BTBD7: variants seen among roughly 807,000 people sequenced by gnomAD.
BTBD7 encodes the protein BTB domain containing 7.
A neutral mutation model predicts 99.9 loss-of-function variants in BTBD7; 38 were observed. That is an observed-to-expected ratio of 0.38 (90% CI 0.29 to 0.50). The LOEUF is 0.50. Among genes scored for constraint, BTBD7 ranks in the 20% least tolerant of loss-of-function variants. BTBD7 has a pLI of 0.93. For synonymous variants in BTBD7, 520 were observed against 511.4 expected, an observed-to-expected ratio of 1.02 and a Z score of -0.23; for missense variants, 1,170 against 1,394.6, an observed-to-expected ratio of 0.84 and a Z score of 2.57.
rs552988017 is a variant in BTBD7 at position 93,247,928 on chromosome 14, C to A, written c.2121+548G>T. Among the ~76,000 whole-genome samples, 10 of 152,254 alleles carry A rather than the reference C, an allele frequency of 6.6e-5. No homozygotes were observed. The South Asian group carries it at 2.1e-3, about 32-fold the overall frequency. On this transcript the variant is annotated intron_variant, in intron 9 of 10. Coordinates refer to ENST00000334746, the MANE Select transcript of BTBD7 (RefSeq NM_001002860.4). ...GTTTGAACCCTCATGAAAGAAATTT[C>A]TTATAAGATGGAAAACAGAAACGAA...
intron 1 of BTBD7, among the ~76,000 whole-genome samples, chr14:93,320,958 GATA>G (rs2053262592): frequency 6.6e-6 from 1 of 152,074 alleles, no homozygotes; most frequent in African/African-American, 2.4e-5. Flanking sequence ...TTCACAGAGG[GATA>G]ATATGAGAAA....
chr14:93,327,875 CA>C (rs2053351805), intron 1 of BTBD7, among the ~76,000 whole-genome samples: 1 of 152,030 alleles, frequency 6.6e-6, no homozygotes, highest in Admixed American at 6.6e-5. Context: ...GAAAACTCCA[CA>C]AAAAAGATTC....
intron 3 of BTBD7, among the ~76,000 whole-genome samples, chr14:93,279,012 TTAG>T (rs1187356262): frequency 1.3e-5 from 2 of 152,344 alleles, no homozygotes; most frequent in Admixed American, 1.3e-4. Flanking sequence ...TTAAAAAGAA[TTAG>T]TAATTTTGAT....
chr14:93,309,435 G>A (rs1222765438), intron 1 of BTBD7, among the ~76,000 whole-genome samples: 1 of 149,072 alleles, frequency 6.7e-6, no homozygotes, highest in Non-Finnish European at 1.5e-5. Context: ...GAGTAAAATG[G>A]CAAAGCCAAG....
At chr14:93,263,164 A>G (rs1253109735) in intron 4 of BTBD7, among the ~76,000 whole-genome samples, 2 of 152,268 alleles carry the variant, frequency 1.3e-5, no homozygotes, top group Admixed American at 1.3e-4. Context: ...GCCAATGCAC[A>G]AAAATTAAGC....
Position 93,248,618 on chromosome 14 carries a change from C to T in BTBD7, c.1979G>A (p.Arg660Gln), listed in dbSNP as rs372766404. ...CTCCGTGTGCCGCAGTTCCTGCAGTCGTCTGACCATGTCTTTCATAATGAG... is the reference window on the plus strand; with the variant it reads ...CTCCGTGTGCCGCAGTTCCTGCAGTTGTCTGACCATGTCTTTCATAATGAG... The part of the protein sequence containing the change: ...RLLIMKDMVR[R>Q]LQELRHTEQV... Residue 660 changes from arginine to glutamine, a missense_variant, in exon 9 of 11, where the codon CGA (arginine) becomes CAA (glutamine). Physicochemically the swap from Arg to Gln is conservative, Grantham distance 43. Transcript: ENST00000334746. 1 of 1,612,964 alleles carries T rather than the reference C, an allele frequency of 6.2e-7. No homozygotes were observed. The highest frequency in any genetic ancestry group is 8.5e-7 in the Non-Finnish European group (1 of 1,179,772).
At position 93,263,805 on chromosome 14, in the gene BTBD7, T is replaced by C. The variant is rs752703524; in HGVS notation, c.1351A>G (p.Ile451Val). The part of the protein sequence containing the change: ...ELSKDHLLTA[I>V]QSDYLQASEQ... ...ATTACCTGTAGGTAGTCAGACTGGA[T>C]AGCAGTAAGCAGATGGTCTTTGCTG... Residue 451 changes from isoleucine to valine, a missense_variant, in exon 4 of 11, where the codon ATC becomes GTC. This residue lies in a region of BTBD7 where 309 missense variants were observed against 342.0 expected (regional missense o/e 0.90). Coordinates refer to ENST00000334746, the MANE Select transcript of BTBD7 (RefSeq NM_001002860.4). 9 of 1,614,080 alleles carry C rather than the reference T, an allele frequency of 5.6e-6. No individual in the cohort carries two copies. The highest frequency in any genetic ancestry group is 7.6e-6 in the Non-Finnish European group (9 of 1,179,944).
intron 1 of BTBD7, among the ~76,000 whole-genome samples, chr14:93,330,509 C>G (rs2053389796): frequency 6.6e-6 from 1 of 152,190 alleles, no homozygotes; most frequent in Admixed American, 6.5e-5. Context: ...ATACCAACAG[C>G]ATTCTTTGCA....
intron 10 of BTBD7, chr14:93,244,372 C>T (rs72708542): frequency 0.044 from 8,348 of 191,032 alleles, 301 homozygotes; most frequent in Admixed American, 0.11. Flanking sequence ...TGAGGTTGGC[C>T]GGGCGCAGTG....
chr14:93,258,213 G>T lies in BTBD7; in HGVS notation c.1448-858C>A, dbSNP rs568548390. ...TCTTCCTTAAATCGTGTGTGTGTGT[G>T]TGTGTGTATGAGAGAGAGAGAGAGA... On this transcript the variant is annotated intron_variant, in intron 5 of 10. Coordinates refer to ENST00000334746, the MANE Select transcript of BTBD7 (RefSeq NM_001002860.4). 1.8e-4 allele frequency among the ~76,000 whole-genome samples: 27 copies of T among 151,998 alleles called. 1 individual carries two copies. The South Asian group carries it at 5.6e-3, about 32-fold the overall frequency.
intron 9 of BTBD7, among the ~76,000 whole-genome samples, chr14:93,246,735 A>T (rs1167946153): frequency 6.6e-6 from 1 of 152,272 alleles, no homozygotes; most frequent in Non-Finnish European, 1.5e-5. Context: ...CCCATTATAC[A>T]TGACTAAGTC....
intron 3 of BTBD7, among the ~76,000 whole-genome samples, chr14:93,273,216 A>G (rs1053117113): frequency 6.6e-6 from 1 of 152,206 alleles, no homozygotes; most frequent in Non-Finnish European, 1.5e-5. Flanking sequence ...GTACATGTGG[A>G]AGGTAAAGTA....
At chr14:93,248,403 TC>T (rs1338257024) in intron 9 of BTBD7, 72 bp downstream of exon 9, 16 of 1,499,648 alleles carry the variant, frequency 1.1e-5, no homozygotes, top group Non-Finnish European at 1.5e-5. Context: ...CAAGGACTCG[TC>T]AGGATGCCCA....
chr14:93,243,298 A>T (rs1299841598), intron 10 of BTBD7, among the ~76,000 whole-genome samples: 1 of 151,394 alleles, frequency 6.6e-6, no homozygotes, highest in Non-Finnish European at 1.5e-5. Flanking sequence ...GGTTCAAGTG[A>T]TTCTCCTGCC....
At chr14:93,273,123 C>T (rs1381922680) in intron 3 of BTBD7, among the ~76,000 whole-genome samples, 5 of 152,130 alleles carry the variant, frequency 3.3e-5, no homozygotes, top group Non-Finnish European at 5.9e-5. Context: ...AAAGGTCTCC[C>T]CCTCCCATTC....
At chr14:93,260,730 T>A (rs988059900) in intron 5 of BTBD7, among the ~76,000 whole-genome samples, 3 of 152,010 alleles carry the variant, frequency 2.0e-5, no homozygotes, top group Non-Finnish European at 4.4e-5. Context: ...ATTTTTTATT[T>A]TTAGTAGAGA....
chr14:93,316,802 T>C (rs2053212071), intron 1 of BTBD7, among the ~76,000 whole-genome samples: 1 of 152,320 alleles, frequency 6.6e-6, no homozygotes, highest in East Asian at 1.9e-4. Context: ...GATCATAATA[T>C]TGCTGTGGCA....
chr14:93,255,207 G>A (rs2052415927), intron 6 of BTBD7, among the ~76,000 whole-genome samples: 1 of 152,076 alleles, frequency 6.6e-6, no homozygotes, highest in South Asian at 2.1e-4. Context: ...GGGCAATGGC[G>A]AGATCTTGGC....
intron 10 of BTBD7, chr14:93,244,069 CACAA>C (rs1380340842): frequency 1.6e-5 from 7 of 449,790 alleles, no homozygotes; most frequent in Non-Finnish European, 3.0e-5. Context: ...ACACCAATCC[CACAA>C]AGTGACACAG....
Sources: gnomAD v4.1 joint callset for allele counts (sites outside exome capture counted in the v4.1 genomes callset) on GRCh38, gnomAD v4.1.1 for gene constraint, gnomAD v4.1.1 regional missense constraint, MANE v1.5 for transcripts, NCBI Gene and HGNC (gene_info 2026-07-23, HGNC 2026-07-21) for gene names.